Variants in CHN2 observed in about 807,000 individuals in gnomAD.
The protein encoded by CHN2 is beta-chimaerin.
CHN2 carries 35 observed loss-of-function variants against 56.3 expected under a neutral mutation model. The ratio of observed to expected loss-of-function variants is 0.62; its 90% CI spans 0.47 to 0.82. The LOEUF is 0.82. Among genes scored for constraint, CHN2 ranks in the 40% least tolerant of loss-of-function variants. CHN2 has a pLI of 0.00. For missense variants in CHN2, 491 were observed against 580.5 expected (o/e 0.85, Z 1.58); for synonymous variants, 210 against 212.8 (o/e 0.99, Z 0.12).
At chr7:29,474,099 T>C (rs750321561) in intron 6 of CHN2, among the ~76,000 whole-genome samples, 1 of 152,222 alleles carries the variant, frequency 6.6e-6, no homozygotes, top group African/African-American at 2.4e-5. Flanking sequence ...TGTTTTCTTC[T>C]GATATTTTCT....
intron 1 of CHN2, among the ~76,000 whole-genome samples, chr7:29,305,805 T>C (rs1794097266): frequency 7.7e-6 from 1 of 130,604 alleles, no homozygotes; most frequent in Non-Finnish European, 1.7e-5. Flanking sequence ...CTCCCGTTCC[T>C]TCCTCCTCGT....
rs148484088 is a variant in CHN2, at chr7:29,333,843, G to A, written c.50-20782G>A. ...TTCTGGATTTTCAGCAGTAATGGCC[G>A]AGAGTCAGGGACCAGATGAGTGTGT... is the stretch of plus-strand genomic sequence containing the variant. On this transcript the variant is annotated intron_variant, in intron 1 of 12. Coordinates refer to ENST00000222792, the MANE Select transcript of CHN2 (RefSeq NM_004067.4). 9.2e-5 allele frequency among the ~76,000 whole-genome samples: 14 copies of A among 152,196 alleles called. No individual in the cohort carries two copies. The East Asian group carries it at 1.5e-3, about 17-fold the overall frequency.
At chr7:29,480,253 CT>C (rs1305430482) in intron 6 of CHN2, 25 bp from the exon 7 acceptor site, 1 of 1,614,206 alleles carries the variant, frequency 6.2e-7, no homozygotes, top group South Asian at 1.1e-5. Flanking sequence ...CTTTGGCCCC[CT>C]CTCAAACTCT....
At chr7:29,511,687 T>C (rs1033501131) in intron 12 of CHN2, among the ~76,000 whole-genome samples, 5 of 151,938 alleles carry the variant, frequency 3.3e-5, no homozygotes, top group African/African-American at 1.2e-4. Context: ...GGGATGGCTT[T>C]TTATGCACAA....
At chr7:29,281,432 G>T (rs1055098037) in intron 1 of CHN2, among the ~76,000 whole-genome samples, 2 of 152,150 alleles carry the variant, frequency 1.3e-5, no homozygotes, top group Non-Finnish European at 2.9e-5. Context: ...CTCTTGTAAA[G>T]AGTGCTGCCT....
chr7:29,261,168 C>G (rs1022694806), intron 1 of CHN2, among the ~76,000 whole-genome samples: 1 of 152,146 alleles, frequency 6.6e-6, no homozygotes, highest in African/African-American at 2.4e-5. Context: ...GTATTATCTC[C>G]TATTATTCTC....
At chr7:29,484,701 G>C (rs1010965988) in intron 7 of CHN2, among the ~76,000 whole-genome samples, 6 of 152,166 alleles carry the variant, frequency 3.9e-5, no homozygotes, top group Non-Finnish European at 8.8e-5. Context: ...CAGTGACCCA[G>C]GGTTAGGAGT....
intron 1 of CHN2, among the ~76,000 whole-genome samples, chr7:29,236,575 C>G (rs1434375739): frequency 6.6e-6 from 1 of 152,194 alleles, no homozygotes; most frequent in Non-Finnish European, 1.5e-5. Context: ...AGGACATTCT[C>G]CAACTAGATT....
At chr7:29,196,772 G>A (rs1783761471) in intron 1 of CHN2, among the ~76,000 whole-genome samples, 1 of 152,216 alleles carries the variant, frequency 6.6e-6, no homozygotes. Flanking sequence ...GGAAGAATAC[G>A]TTGGTTTGAA....
intron 2 of CHN2, among the ~76,000 whole-genome samples, chr7:29,188,212 T>C (rs17157615): frequency 0.071 from 10,786 of 152,268 alleles, 512 homozygotes; most frequent in East Asian, 0.25. Flanking sequence ...TTAGACACTA[T>C]ATTACATCTA....
intron 2 of CHN2, among the ~76,000 whole-genome samples, chr7:29,160,430 A>C (rs1795021352): frequency 6.6e-6 from 1 of 152,238 alleles, no homozygotes; most frequent in Admixed American, 6.5e-5. Flanking sequence ...TTTGGGCAAT[A>C]ATGTACCCAG....
intron 1 of CHN2, among the ~76,000 whole-genome samples, chr7:29,309,372 A>G (rs1047506727): frequency 2.6e-5 from 4 of 152,094 alleles, no homozygotes; most frequent in Non-Finnish European, 4.4e-5. Context: ...AGACCCTTTC[A>G]GATACCATCC....
chr7:29,232,620 T>C (rs548151411), intron 1 of CHN2, among the ~76,000 whole-genome samples: 18 of 152,348 alleles, frequency 1.2e-4, no homozygotes, highest in South Asian at 1.0e-3. Flanking sequence ...TGATCTGATA[T>C]ATTTATTTCC....
intron 1 of CHN2, among the ~76,000 whole-genome samples, chr7:29,348,067 T>C (rs1797597498): frequency 6.9e-6 from 1 of 144,514 alleles, no homozygotes; most frequent in Admixed American, 7.0e-5. Flanking sequence ...TTTCTGTTTT[T>C]CAGCAATGGT....
chr7:29,408,887 C>G (rs961155625), intron 6 of CHN2, among the ~76,000 whole-genome samples: 2 of 152,178 alleles, frequency 1.3e-5, no homozygotes. Flanking sequence ...CAAAATCTCT[C>G]TAGGAAACAG....
At position 29,296,563 on chromosome 7, in the gene CHN2, A is replaced by C. The variant is rs527520323; in HGVS notation, c.50-58062A>C. 2.6e-4 allele frequency among the ~76,000 whole-genome samples: 40 copies of C among 152,358 alleles called. 2 individuals are homozygous for C. In the South Asian group the frequency reaches 8.3e-3, roughly 32 times the overall value. On this transcript the variant is annotated intron_variant, in intron 1 of 12. Transcript: ENST00000222792. ...TCCAGAGAAGAGGAAGGGTACCTTC[A>C]AGAGAGCATTTCCCTAACAGACTCA...
At chr7:29,254,130 C>G (rs780096544) in intron 1 of CHN2, among the ~76,000 whole-genome samples, 2 of 152,186 alleles carry the variant, frequency 1.3e-5, no homozygotes, top group Non-Finnish European at 2.9e-5. Flanking sequence ...GTTTCGAACT[C>G]CTGACCTCGT....
At chr7:29,248,881 C>G (rs902225760) in intron 1 of CHN2, among the ~76,000 whole-genome samples, 1 of 152,200 alleles carries the variant, frequency 6.6e-6, no homozygotes, top group Non-Finnish European at 1.5e-5. Flanking sequence ...GTGTCTCTGT[C>G]ATGCCATTCC....
At chr7:29,161,176 TTTTCAACA>T (rs1360541573) in intron 2 of CHN2, among the ~76,000 whole-genome samples, 6 of 152,248 alleles carry the variant, frequency 3.9e-5, no homozygotes, top group Non-Finnish European at 8.8e-5. Context: ...AACTGAAATG[TTTTCAACA>T]TTAGCCTTGA....
Sources: allele counts gnomAD v4.1 joint callset (sites outside exome capture counted in the v4.1 genomes callset), GRCh38; gene constraint gnomAD v4.1.1; transcripts MANE v1.5; gene names NCBI Gene and HGNC (gene_info 2026-07-23, HGNC 2026-07-21).